CCR9: variants seen among roughly 807,000 people sequenced by gnomAD.
CCR9 encodes C-C chemokine receptor type 9.
A neutral mutation model predicts 8.7 loss-of-function variants in CCR9; 4 were observed. The observed-to-expected ratio is 0.46, with a 90% confidence interval of 0.23 to 1.06. The LOEUF (loss-of-function observed/expected upper bound fraction) is 1.06, where lower values mean the gene tolerates loss of function less well. CCR9 is among the 50% of genes least tolerant of loss of function. The probability of loss-of-function intolerance (pLI) is 0.21; values close to 1 mark genes in which losing one functional copy is unlikely to be tolerated. For missense variants in CCR9, 394 were observed against 453.6 expected, an observed-to-expected ratio of 0.87 and a Z score of 1.19; for synonymous variants, 159 against 168.8, an observed-to-expected ratio of 0.94 and a Z score of 0.45.
intron 1 of CCR9, among the ~76,000 whole-genome samples, chr3:45,888,205 C>CA (rs988004869): frequency 4.6e-5 from 7 of 152,224 alleles, no homozygotes; most frequent in African/African-American, 1.7e-4. Context: ...GCACATACCC[C>CA]ATGCTTTCTG....
chr3:45,899,656 ATGGGAGCCC>A (rs1321301428), intron 2 of CCR9, among the ~76,000 whole-genome samples: 6 of 152,124 alleles, frequency 3.9e-5, no homozygotes, highest in Admixed American at 3.9e-4. Context: ...GGGAGTCCTA[ATGGGAGCCC>A]TCAGAAGGAA....
rs372514163 is a variant in CCR9, at chr3:45,890,350, C to CATAT, written c.-29+3707_-29+3710dup. ...ATATATATATAACATATATATATAA[C>CATAT]ATATATATATATATAACATATATAA... On this transcript the variant is annotated intron_variant, in intron 1 of 2. Transcript: ENST00000357632. 5.0e-3 allele frequency among the ~76,000 whole-genome samples: 116 copies of CATAT among 23,044 alleles called. 22 individuals carry two copies. The highest frequency in any genetic ancestry group is 0.017 in the African/African-American group (96 of 5,714). 15.1% of individuals were successfully genotyped at this position (23,044 alleles called of 152,430 possible). A position where few individuals can be genotyped will look rare whatever the true frequency, so the allele number is the denominator to read the frequency against.
In CCR9 at chr3:45,894,517, G is replaced by A. The variant is rs563591066; in HGVS notation, c.-28-389G>A. The stretch of plus-strand genomic sequence containing the variant: ...GAAGGGGAACCAGTCAGCAAAACAG[G>A]ACTTGACAGACAAGCTGAATCAAGG... On this transcript the variant is annotated intron_variant, in intron 1 of 2. Transcript: ENST00000357632. 2.6e-5 allele frequency among the ~76,000 whole-genome samples: 4 copies of A among 152,312 alleles called. 1 individual carries two copies. The South Asian group carries it at 8.3e-4, about 32-fold the overall frequency.
intron 2 of CCR9, among the ~76,000 whole-genome samples, chr3:45,897,998 C>G (rs1015056641): frequency 1.4e-5 from 2 of 139,430 alleles, no homozygotes; most frequent in Non-Finnish European, 3.2e-5. Context: ...AAAAAACACA[C>G]AAAACACAAA....
intron 1 of CCR9, among the ~76,000 whole-genome samples, chr3:45,888,839 T>C (rs1248707621): frequency 6.6e-6 from 1 of 152,218 alleles, no homozygotes; most frequent in Non-Finnish European, 1.5e-5. Context: ...GTGGAGGTTC[T>C]AGATGTGGGC....
chr3:45,892,882 G>C (rs1702230720), intron 1 of CCR9, among the ~76,000 whole-genome samples: 1 of 152,090 alleles, frequency 6.6e-6, no homozygotes, highest in Non-Finnish European at 1.5e-5. Context: ...TCCTCCTCAG[G>C]GCCTGCTGAC....
intron 2 of CCR9, 35 bp downstream of exon 2, chr3:45,894,989 C>T: frequency 1.2e-6 from 2 of 1,606,360 alleles, no homozygotes; most frequent in Admixed American, 1.7e-5. Context: ...CTCCTCAAAA[C>T]ACACACTCAT....
At chr3:45,892,636 C>T (rs903012579) in intron 1 of CCR9, among the ~76,000 whole-genome samples, 7 of 151,968 alleles carry the variant, frequency 4.6e-5, no homozygotes, top group African/African-American at 1.4e-4. Flanking sequence ...ACCTGGGTGG[C>T]GAAATAATCT....
chr3:45,890,277 T>TATATAAC lies in CCR9; in HGVS notation c.-29+3627_-29+3628insACATATA, dbSNP rs1559421375. On this transcript the variant is annotated intron_variant, in intron 1 of 2. Coordinates refer to ENST00000357632, the MANE Select transcript of CCR9 (RefSeq NM_031200.3). The stretch of plus-strand genomic sequence containing the variant: ...ATTAGAAATATATATATAACATATA[T>TATATAAC]ATATATTTATATAAATATATATATA... 1.3e-4 allele frequency among the ~76,000 whole-genome samples: 9 copies of TATATAAC among 69,388 alleles called. 4 individuals carry two copies. In the East Asian group the frequency reaches 1.5e-3, roughly 11 times the overall value. The allele number at this position is 69,388 out of a possible 152,430, so 45.5% of individuals were successfully genotyped here. A position where few individuals can be genotyped will look rare whatever the true frequency, so the allele number is the denominator to read the frequency against.
At chr3:45,896,883 A>G (rs1357148506) in intron 2 of CCR9, among the ~76,000 whole-genome samples, 1 of 152,154 alleles carries the variant, frequency 6.6e-6, no homozygotes, top group East Asian at 1.9e-4. Flanking sequence ...TTCTCTGTCC[A>G]TTCCCCAGAG....
At chr3:45,897,560 G>A in intron 2 of CCR9, 1 of 1,534,188 alleles carries the variant, frequency 6.5e-7, no homozygotes, top group Non-Finnish European at 8.7e-7. Flanking sequence ...TGCTCCTGCA[G>A]TCTCCTCCAG....
At chr3:45,890,347 T>TA (rs1702134916) in intron 1 of CCR9, among the ~76,000 whole-genome samples, 1 of 24,530 alleles carries the variant, frequency 4.1e-5, no homozygotes, top group Non-Finnish European at 6.4e-5. Context: ...CATATATATA[T>TA]AACATATATA....
At chr3:45,894,049 G>A (rs1468213882) in intron 1 of CCR9, among the ~76,000 whole-genome samples, 2 of 152,152 alleles carry the variant, frequency 1.3e-5, no homozygotes, top group African/African-American at 2.4e-5. Flanking sequence ...TCCTTGAAAT[G>A]TACTCGCTAA....
Position 45,900,828 on chromosome 3 carries a change from G to T in CCR9, c.40G>T (p.Ala14Ser), listed in dbSNP as rs1438760537. 1.2e-6 allele frequency: 2 copies of T among 1,612,410 alleles called. No individual in the cohort carries two copies. The highest frequency in any genetic ancestry group is 1.7e-6 in the Non-Finnish European group (2 of 1,178,800). The change falls in exon 3 of 3, where the codon GCT (alanine) becomes TCT (serine). Residue 14 changes from alanine (A) to serine (S), a missense_variant. Physicochemically the swap from Ala to Ser is moderately conservative, Grantham distance 99. Coordinates refer to ENST00000357632, the MANE Select transcript of CCR9 (RefSeq NM_031200.3). This position sits in a 1 kb window ranked among gnomAD's most constrained non-coding sequence, Gnocchi z 4.7. The part of the protein sequence containing the change: ...TDFTSPIPNM[A>S]DDYGSESTSS... ...CTTGCAGAGCCCTATTCCTAACATGGCTGATGACTATGGCTCTGAATCCAC... is the reference window on the plus strand; with the variant it reads ...CTTGCAGAGCCCTATTCCTAACATGTCTGATGACTATGGCTCTGAATCCAC...
In CCR9 at chr3:45,898,742, A is replaced by G. The variant is rs560344034; in HGVS notation, c.22-2068A>G. Among the ~76,000 whole-genome samples the G allele has an allele frequency of 2.0e-5, 3 of 152,374 alleles. No individual in the cohort carries two copies. The South Asian group carries it at 6.2e-4, about 32-fold the overall frequency. On this transcript the variant is annotated intron_variant, in intron 2 of 2. Coordinates refer to ENST00000357632, the MANE Select transcript of CCR9 (RefSeq NM_031200.3). Reference sequence around the variant, plus strand: ...ATCAATTCAGTGAGCCCTGATATCTAAGAAGCCCTCCACAAACACACACAC... The same window carrying G: ...ATCAATTCAGTGAGCCCTGATATCTGAGAAGCCCTCCACAAACACACACAC...
chr3:45,900,302 C>T lies in CCR9; in HGVS notation c.22-508C>T, dbSNP rs543421139. On this transcript the variant is annotated intron_variant, in intron 2 of 2. Transcript: ENST00000357632. The surrounding 1 kb of genome is among the most constrained non-coding windows in gnomAD (Gnocchi z 4.7). ...ATGTGTATGTGGGTGTATGCTGGTG[C>T]TCCCGGAGCTTTCAGGAAACTCAGG... is the stretch of plus-strand genomic sequence containing the variant. 1.2e-4 allele frequency among the ~76,000 whole-genome samples: 18 copies of T among 152,182 alleles called. No homozygotes were observed. In the East Asian group the frequency reaches 2.7e-3, roughly 23 times the overall value.
upstream of CCR9, among the ~76,000 whole-genome samples, chr3:45,886,106 G>A (rs990528850): frequency 2.6e-5 from 4 of 152,188 alleles, no homozygotes; most frequent in Non-Finnish European, 4.4e-5. Context: ...CCGGGTTCTG[G>A]TACGTCTGTC....
At chr3:45,897,668 C>A (rs142407458) in intron 2 of CCR9, 26 of 1,431,722 alleles carry the variant, frequency 1.8e-5, no homozygotes, top group Non-Finnish European at 2.3e-5. Flanking sequence ...CTGGCCTTCC[C>A]ACCTGCCCCC....
chr3:45,887,227 CCTTT>C (rs1702007226), intron 1 of CCR9, among the ~76,000 whole-genome samples: 1 of 149,572 alleles, frequency 6.7e-6, no homozygotes, highest in African/African-American at 2.5e-5. Flanking sequence ...AGTCTGATTT[CCTTT>C]CTATTAAGTG....
Sources: allele counts gnomAD v4.1 joint callset (sites outside exome capture counted in the v4.1 genomes callset), GRCh38; gene constraint gnomAD v4.1.1; non-coding constraint Gnocchi (gnomAD v3.1); transcripts MANE v1.5; gene names NCBI Gene and HGNC (gene_info 2026-07-23, HGNC 2026-07-21).